The following MAPRE2 variants were observed in gnomAD, a reference collection of about 807,000 sequenced individuals.
MAPRE2 encodes the protein microtubule associated protein RP/EB family member 2.
A neutral mutation model predicts 43.2 loss-of-function variants in MAPRE2; 13 were observed. That is an observed-to-expected ratio of 0.30 (90% CI 0.20 to 0.48). The LOEUF (loss-of-function observed/expected upper bound fraction) is 0.48. Ranked by LOEUF, MAPRE2 falls within the 20% of genes least tolerant of loss-of-function variation. The pLI is 0.99. For synonymous variants in MAPRE2, 135 were observed against 148.8 expected, an observed-to-expected ratio of 0.91 and a Z score of 0.68; for missense variants, 161 against 400.2, an observed-to-expected ratio of 0.40 and a Z score of 5.10.
intron 4 of MAPRE2, among the ~76,000 whole-genome samples, chr18:35,113,849 GC>G: frequency 6.6e-6 from 1 of 152,252 alleles, no homozygotes; most frequent in Non-Finnish European, 1.5e-5. Flanking sequence ...CCATGTTCAT[GC>G]CACTACACTC....
intron 1 of MAPRE2, among the ~76,000 whole-genome samples, chr18:35,053,838 T>A (rs1413198701): frequency 6.6e-6 from 1 of 152,214 alleles, no homozygotes; most frequent in East Asian, 1.9e-4. Flanking sequence ...TAATGGTTAC[T>A]GGGCTTAATA....
intron 4 of MAPRE2, among the ~76,000 whole-genome samples, chr18:35,123,971 CA>C (rs1909797486): frequency 6.6e-6 from 1 of 152,100 alleles, no homozygotes; most frequent in Non-Finnish European, 1.5e-5. Context: ...GCCTCCCAGA[CA>C]AAGTGACATC....
At chr18:35,000,159 A>G (rs2097028592) in intron 1 of MAPRE2, among the ~76,000 whole-genome samples, 1 of 152,164 alleles carries the variant, frequency 6.6e-6, no homozygotes, top group African/African-American at 2.4e-5. Flanking sequence ...GATACAGCTT[A>G]TTCTGGAGAT....
chr18:34,989,082 T>C (rs2097022456), intron 1 of MAPRE2, among the ~76,000 whole-genome samples: 1 of 152,170 alleles, frequency 6.6e-6, no homozygotes, highest in Non-Finnish European at 1.5e-5. Context: ...AATCTATTTA[T>C]CCTTTTGTTG....
chr18:35,082,314 A>T (rs915566605), intron 2 of MAPRE2: 1 of 150,644 alleles, frequency 6.6e-6, no homozygotes, highest in Non-Finnish European at 1.5e-5. Flanking sequence ...AAAAAAAAAT[A>T]CATACGTTCT....
chr18:35,032,926 T>TA (rs1222473239), intron 2 of MAPRE2, among the ~76,000 whole-genome samples: 2 of 152,136 alleles, frequency 1.3e-5, no homozygotes, highest in African/African-American at 4.8e-5. Context: ...GGGAGCTTTT[T>TA]AGTACAGATA....
intron 2 of MAPRE2, among the ~76,000 whole-genome samples, chr18:35,017,198 A>C (rs950742014): frequency 6.8e-6 from 1 of 146,624 alleles, no homozygotes; most frequent in East Asian, 2.0e-4. Context: ...GTCTGTATAT[A>C]GCCTTATAGT....
chr18:35,023,522 T>C (rs1305718556), intron 2 of MAPRE2, among the ~76,000 whole-genome samples: 1 of 148,908 alleles, frequency 6.7e-6, no homozygotes, highest in Non-Finnish European at 1.5e-5. Flanking sequence ...AAAAAATATA[T>C]ATATATATAC....
intron 2 of MAPRE2, among the ~76,000 whole-genome samples, chr18:35,028,442 A>G (rs891449003): frequency 1.3e-5 from 2 of 152,248 alleles, no homozygotes; most frequent in African/African-American, 4.8e-5. Flanking sequence ...TGCAAAATAT[A>G]GTAAATATAT....
intron 1 of MAPRE2, among the ~76,000 whole-genome samples, chr18:35,050,361 T>C (rs1173669028): frequency 6.6e-6 from 1 of 152,222 alleles, no homozygotes; most frequent in African/African-American, 2.4e-5. Context: ...CTAATGCAAG[T>C]ACCATTCTTA....
Position 35,131,908 on chromosome 18 carries a change from T to C in MAPRE2, c.751-124T>C, listed in dbSNP as rs1305782434. 3 of 973,704 alleles carry C rather than the reference T, an allele frequency of 3.1e-6. No individual in the cohort carries two copies. The South Asian group carries it at 5.0e-5, about 16-fold the overall frequency. The allele number at this position is 973,704 out of a possible 1,614,324, so 60.3% of individuals were successfully genotyped here. On this transcript the variant is annotated intron_variant, in intron 5 of 6. Transcript: ENST00000300249. ...CAGCCCTGTTGTTTCTCCCTCAGAC[T>C]TACACATTGGTTATTTCTGCTTCTC...
intron 2 of MAPRE2, among the ~76,000 whole-genome samples, chr18:35,073,419 T>C (rs937325564): frequency 6.6e-6 from 1 of 152,242 alleles, no homozygotes; most frequent in Non-Finnish European, 1.5e-5. Context: ...ATATTCCTCA[T>C]ACTTATGAGT....
At chr18:35,013,284 T>A (rs1224184884) in intron 2 of MAPRE2, among the ~76,000 whole-genome samples, 1 of 152,134 alleles carries the variant, frequency 6.6e-6, no homozygotes, top group African/African-American at 2.4e-5. Flanking sequence ...GAAGAGTTGA[T>A]TTAAGGTAGA....
intron 1 of MAPRE2, among the ~76,000 whole-genome samples, chr18:34,977,965 C>G (rs1384743437): frequency 6.6e-6 from 1 of 152,200 alleles, no homozygotes; most frequent in Non-Finnish European, 1.5e-5. Context: ...GGTTTGGTCA[C>G]TCCTCCAGTG....
chr18:35,034,492 A>G (rs2055557184), intron 2 of MAPRE2, among the ~76,000 whole-genome samples: 1 of 152,118 alleles, frequency 6.6e-6, no homozygotes, highest in South Asian at 2.1e-4. Flanking sequence ...AATGGCAACA[A>G]AAGCCAAAAT....
At chr18:35,002,437 C>A (rs1462252644) in intron 1 of MAPRE2, among the ~76,000 whole-genome samples, 4 of 152,208 alleles carry the variant, frequency 2.6e-5, no homozygotes, top group South Asian at 2.1e-4. Flanking sequence ...CCAAAGTGAG[C>A]AATTGCTGGG....
At chr18:34,999,256 G>A (rs1323043125) in intron 1 of MAPRE2, among the ~76,000 whole-genome samples, 1 of 152,112 alleles carries the variant, frequency 6.6e-6, no homozygotes, top group Admixed American at 6.6e-5. Context: ...AAAAGGATAA[G>A]TGAAAATAAT....
chr18:35,023,906 T>C (rs966509986), intron 2 of MAPRE2, among the ~76,000 whole-genome samples: 1 of 152,188 alleles, frequency 6.6e-6, no homozygotes, highest in Admixed American at 6.5e-5. Flanking sequence ...AATCAAAATA[T>C]AACCATTTTA....
chr18:34,982,162 C>T (rs1209695772), intron 1 of MAPRE2, among the ~76,000 whole-genome samples: 1 of 152,050 alleles, frequency 6.6e-6, no homozygotes, highest in Non-Finnish European at 1.5e-5. Flanking sequence ...GGATTACAGG[C>T]GTGAGTCACT....
Sources: allele counts gnomAD v4.1 joint callset (sites outside exome capture counted in the v4.1 genomes callset), GRCh38; gene constraint gnomAD v4.1.1; transcripts MANE v1.5; gene names NCBI Gene and HGNC (gene_info 2026-07-23, HGNC 2026-07-21).